SHANK2: variants seen among roughly 807,000 people sequenced by gnomAD.
SHANK2 encodes SH3 and multiple ankyrin repeat domains 2, also known as SH3 and multiple ankyrin repeat domains protein 2.
Under a neutral mutation model 133.7 loss-of-function variants are expected in SHANK2, and 43 were observed. The ratio of observed to expected loss-of-function variants is 0.32; its 90% CI spans 0.25 to 0.41. The LOEUF (loss-of-function observed/expected upper bound fraction) is 0.41, where lower values mean the gene tolerates loss of function less well. Ranked by LOEUF, SHANK2 falls within the 10% of genes least tolerant of loss-of-function variation. SHANK2 has a pLI of 1.00. For missense variants in SHANK2, 1,994 were observed against 2,235.8 expected (o/e 0.89, Z 2.18); for synonymous variants, 1,017 against 952.8 (o/e 1.07, Z -1.24).
intron 2 of SHANK2, among the ~76,000 whole-genome samples, chr11:71,184,631 T>C (rs1271766987): frequency 6.6e-6 from 1 of 152,196 alleles, no homozygotes; most frequent in Non-Finnish European, 1.5e-5. Flanking sequence ...CTCCTCCTGA[T>C]GAACTTGGTT....
chr11:70,954,927 G>A (rs797043000), intron 10 of SHANK2, among the ~76,000 whole-genome samples: 1 of 152,230 alleles, frequency 6.6e-6, no homozygotes, highest in Non-Finnish European at 1.5e-5. Flanking sequence ...TCCACAGGAG[G>A]CCCTGCTTCG....
At chr11:70,565,867 C>A (rs1396846947) in intron 17 of SHANK2, among the ~76,000 whole-genome samples, 2 of 152,010 alleles carry the variant, frequency 1.3e-5, no homozygotes, top group African/African-American at 2.4e-5. Flanking sequence ...AGTTCCTTTT[C>A]TAATGGAAAA....
intron 8 of SHANK2, among the ~76,000 whole-genome samples, chr11:71,082,344 T>C (rs979021985): frequency 6.6e-6 from 1 of 152,118 alleles, no homozygotes; most frequent in African/African-American, 2.4e-5. Context: ...GCAATGGTCA[T>C]CTTGGGGCCT....
At chr11:70,561,163 T>C (rs145089999) in intron 17 of SHANK2, among the ~76,000 whole-genome samples, 2 of 152,260 alleles carry the variant, frequency 1.3e-5, no homozygotes, top group Non-Finnish European at 2.9e-5. Flanking sequence ...TAGAGGTTTC[T>C]ATTTTTTTGA....
rs1313501718 is a variant in SHANK2, at chr11:71,092,446, C to T, written c.888G>A (p.Glu296=). 1.3e-6 allele frequency: 2 copies of T among 1,551,386 alleles called. No homozygotes were observed. The highest frequency in any genetic ancestry group is 1.7e-6 in the Non-Finnish European group (2 of 1,146,960). Residue 296 remains glutamate, a synonymous_variant, in exon 8 of 26, where the codon GAG becomes GAA. Transcript: ENST00000601538. ...CCTGGTGGATCTCGTGCCAGCCGTTCTCATCTTTGCAGCACACAGTGGCGT... is the reference window on the plus strand; with the variant it reads ...CCTGGTGGATCTCGTGCCAGCCGTTTTCATCTTTGCAGCACACAGTGGCGT... ...HEHATVCCKD[E]NGWHEIHQAC...
intron 14 of SHANK2, among the ~76,000 whole-genome samples, chr11:70,720,620 T>C (rs1946054571): frequency 6.6e-6 from 1 of 152,206 alleles, no homozygotes; most frequent in Admixed American, 6.5e-5. Flanking sequence ...GATAGAGTTG[T>C]TTACGCTGTT....
intron 14 of SHANK2, among the ~76,000 whole-genome samples, chr11:70,746,881 C>T (rs1946649268): frequency 6.6e-6 from 1 of 151,994 alleles, no homozygotes; most frequent in Non-Finnish European, 1.5e-5. Flanking sequence ...GATCTCTCTG[C>T]CACAGCCCCT....
chr11:70,587,237 A>G (rs548348936), intron 17 of SHANK2, among the ~76,000 whole-genome samples: 1 of 152,300 alleles, frequency 6.6e-6, no homozygotes, highest in Non-Finnish European at 1.5e-5. Flanking sequence ...GCCACGCCAC[A>G]TGAATCACCA....
intron 8 of SHANK2, among the ~76,000 whole-genome samples, chr11:71,080,801 C>T (rs924554970): frequency 1.3e-5 from 2 of 152,196 alleles, no homozygotes; most frequent in Non-Finnish European, 1.5e-5. Context: ...CCAGCTGCTC[C>T]GTGGCCCCGC....
At chr11:71,182,498 C>G (rs1953579200) in intron 2 of SHANK2, among the ~76,000 whole-genome samples, 2 of 152,224 alleles carry the variant, frequency 1.3e-5, no homozygotes. Flanking sequence ...TGCTCCAGGC[C>G]TGTCCCCCAG....
At chr11:70,736,853 C>T (rs1164936148) in intron 14 of SHANK2, among the ~76,000 whole-genome samples, 1 of 152,174 alleles carries the variant, frequency 6.6e-6, no homozygotes, top group Non-Finnish European at 1.5e-5. Context: ...AGTGGCTTCT[C>T]CAGAACCAAA....
At chr11:70,523,904 T>A (rs1263209502) in intron 17 of SHANK2, among the ~76,000 whole-genome samples, 6 of 152,164 alleles carry the variant, frequency 3.9e-5, no homozygotes, top group Admixed American at 3.3e-4. Context: ...CCCTCCCCTG[T>A]GCTGCTCCGC....
chr11:70,541,354 C>T (rs561755696), intron 17 of SHANK2, among the ~76,000 whole-genome samples: 5 of 152,366 alleles, frequency 3.3e-5, no homozygotes, highest in Admixed American at 6.5e-5. Flanking sequence ...GAATAGCCAC[C>T]GGCCCCCCAC....
chr11:70,783,677 G>A (rs1947565470), intron 14 of SHANK2, among the ~76,000 whole-genome samples: 1 of 152,110 alleles, frequency 6.6e-6, no homozygotes, highest in South Asian at 2.1e-4. Context: ...AGGGAGCTGA[G>A]GAGGCAGAGG....
intron 14 of SHANK2, among the ~76,000 whole-genome samples, chr11:70,700,243 C>T (rs1945489801): frequency 6.6e-6 from 1 of 152,182 alleles, no homozygotes; most frequent in African/African-American, 2.4e-5. Context: ...CCATCATCGT[C>T]ACTGACACTT....
At chr11:70,886,711 AC>A (rs1949751942) in intron 11 of SHANK2, among the ~76,000 whole-genome samples, 2 of 151,954 alleles carry the variant, frequency 1.3e-5, no homozygotes, top group Admixed American at 1.3e-4. Flanking sequence ...ACACACACAC[AC>A]ACACACACAC....
At chr11:70,874,284 AATCT>A (rs1949520074) in intron 11 of SHANK2, among the ~76,000 whole-genome samples, 1 of 151,722 alleles carries the variant, frequency 6.6e-6, no homozygotes, top group Non-Finnish European at 1.5e-5. Context: ...AATCTAATCT[AATCT>A]ATCTAATCTA....
At chr11:71,227,036 A>T (rs1340847845) in intron 1 of SHANK2, among the ~76,000 whole-genome samples, 2 of 152,138 alleles carry the variant, frequency 1.3e-5, no homozygotes, top group African/African-American at 2.4e-5. Context: ...ATAGATGATA[A>T]AATTAAGTAT....
At chr11:70,762,977 A>G (rs1555040566) in intron 14 of SHANK2, among the ~76,000 whole-genome samples, 1 of 152,196 alleles carries the variant, frequency 6.6e-6, no homozygotes, top group Admixed American at 6.5e-5. Context: ...CACCACCATG[A>G]GGCCCGGCCA....
Sources: gnomAD v4.1 joint callset for allele counts (sites outside exome capture counted in the v4.1 genomes callset) on GRCh38, gnomAD v4.1.1 for gene constraint, MANE v1.5 for transcripts, NCBI Gene and HGNC (gene_info 2026-07-23, HGNC 2026-07-21) for gene names.